Variants in CSGALNACT2 observed in about 807,000 individuals in gnomAD.
CSGALNACT2 encodes chondroitin sulfate N-acetylgalactosaminyltransferase 2.
A neutral mutation model predicts 55.3 loss-of-function variants in CSGALNACT2; 35 were observed. The observed-to-expected ratio is 0.63, with a 90% CI of 0.48 to 0.84. CSGALNACT2 has a LOEUF of 0.84. Ranked by LOEUF, CSGALNACT2 falls within the 40% of genes least tolerant of loss-of-function variation. The probability of loss-of-function intolerance (pLI) is 0.00; values close to 1 mark genes in which losing one functional copy is unlikely to be tolerated. For missense variants in CSGALNACT2, 544 were observed against 657.5 expected, an observed-to-expected ratio of 0.83 and a Z score of 1.89; for synonymous variants, 196 against 224.9, an observed-to-expected ratio of 0.87 and a Z score of 1.15.
chr10:43,139,611 C>A (rs1838573566), intron 1 of CSGALNACT2, among the ~76,000 whole-genome samples: 1 of 152,214 alleles, frequency 6.6e-6, no homozygotes, highest in South Asian at 2.1e-4. Flanking sequence ...CAAATTATAA[C>A]CATAGAACAT....
At chr10:43,181,255 G>C (rs1422418093) in intron 7 of CSGALNACT2, among the ~76,000 whole-genome samples, 1 of 152,218 alleles carries the variant, frequency 6.6e-6, no homozygotes, top group Non-Finnish European at 1.5e-5. Flanking sequence ...TTCTGCTCCA[G>C]TAAGTTGGAA....
At chr10:43,168,407 C>T (rs568043341) in intron 6 of CSGALNACT2, among the ~76,000 whole-genome samples, 8 of 152,022 alleles carry the variant, frequency 5.3e-5, no homozygotes, top group South Asian at 2.1e-4. Flanking sequence ...GCCAATATCA[C>T]GCCACTGCAC....
chr10:43,171,659 C>T (rs984541549), intron 6 of CSGALNACT2, among the ~76,000 whole-genome samples: 3 of 152,162 alleles, frequency 2.0e-5, no homozygotes, highest in African/African-American at 7.2e-5. Context: ...CCAAAGCATG[C>T]TAATATTCTT....
chr10:43,173,901 G>A (rs1839429909), intron 6 of CSGALNACT2, among the ~76,000 whole-genome samples: 2 of 152,134 alleles, frequency 1.3e-5, no homozygotes, highest in Non-Finnish European at 1.5e-5. Flanking sequence ...ACTGAGGCAC[G>A]GAAATCGCTT....
At chr10:43,144,609 A>G (rs897062243) in intron 1 of CSGALNACT2, among the ~76,000 whole-genome samples, 1 of 152,160 alleles carries the variant, frequency 6.6e-6, no homozygotes, top group Non-Finnish European at 1.5e-5. Flanking sequence ...TGGCACTGCT[A>G]CTGAATCTGA....
At chr10:43,178,223 G>A (rs898502768) in intron 7 of CSGALNACT2, among the ~76,000 whole-genome samples, 1 of 152,136 alleles carries the variant, frequency 6.6e-6, no homozygotes, top group African/African-American at 2.4e-5. Flanking sequence ...ATACCATGTG[G>A]AACCAAAATC....
At position 43,155,653 on chromosome 10, in the gene CSGALNACT2, A is replaced by G. The variant is rs893250141; in HGVS notation, c.504A>G (p.Glu168=). 6.2e-7 allele frequency: 1 copy of G among 1,614,250 alleles called. No homozygotes were observed. Among genetic ancestry groups the G allele is most frequent in the African/African-American group, 1.3e-5 (1 of 75,076 alleles). ...AAATGGGTCTCACTCGCCATCCTGAAGAAAAGCCAGTTAGAAAAGACAAAC... is the reference window on the plus strand; with the variant it reads ...AAATGGGTCTCACTCGCCATCCTGAGGAAAAGCCAGTTAGAAAAGACAAAC... ...QLEMGLTRHP[E]EKPVRKDKRD... The change falls in exon 2 of 8, where the codon GAA becomes GAG. Residue 168 remains glutamate, a synonymous_variant. Coordinates refer to ENST00000374466, the MANE Select transcript of CSGALNACT2 (RefSeq NM_018590.5).
chr10:43,151,818 T>C (rs1215478818), intron 1 of CSGALNACT2, among the ~76,000 whole-genome samples: 2 of 152,218 alleles, frequency 1.3e-5, no homozygotes, highest in Admixed American at 1.3e-4. Flanking sequence ...TGGCAACCAC[T>C]TGTTTCTTGT....
chr10:43,175,517 G>A (rs919741420), intron 6 of CSGALNACT2, among the ~76,000 whole-genome samples: 3 of 152,060 alleles, frequency 2.0e-5, no homozygotes, highest in Non-Finnish European at 2.9e-5. Flanking sequence ...GGCCCACTCC[G>A]AATCTACTGG....
chr10:43,157,934 CAGA>C (rs780639889), intron 2 of CSGALNACT2, among the ~76,000 whole-genome samples: 2 of 149,520 alleles, frequency 1.3e-5, no homozygotes. Context: ...GAGGCTGAGG[CAGA>C]AGAATTGCTT....
At chr10:43,163,074 A>G (rs918858099) in intron 4 of CSGALNACT2, 3 of 985,152 alleles carry the variant, frequency 3.0e-6, no homozygotes, top group African/African-American at 3.5e-5. Flanking sequence ...CCTTTTCTCT[A>G]AAATGCTTTC....
At position 43,155,491 on chromosome 10, in the gene CSGALNACT2, GC is replaced by G; in HGVS notation, c.343del (p.Gln115LysfsTer7). ...GCATAGGCTATCAGAGCAACAAAGAGCAAGCACCTAGTGATCTTTTAGAGTT... is the reference window on the plus strand; with the variant it reads ...GCATAGGCTATCAGAGCAACAAAGAGAAGCACCTAGTGATCTTTTAGAGTT... ...NGIGYQSNKE[Q>X]APSDLLEFLH... On this transcript the variant is annotated frameshift_variant, in exon 2 of 8. Transcript: ENST00000374466. LOFTEE classifies it high-confidence loss of function. The G allele has an allele frequency of 6.2e-7, 1 of 1,614,226 alleles. No homozygotes were observed. Among genetic ancestry groups the G allele is most frequent in the Non-Finnish European group, 8.5e-7 (1 of 1,180,052 alleles).
chr10:43,160,376 A>G (rs935082307), intron 3 of CSGALNACT2, 118 bp from the exon 4 acceptor site: 4 of 611,060 alleles, frequency 6.5e-6, no homozygotes, highest in Non-Finnish European at 8.6e-6. Context: ...TGCCACATTT[A>G]TGTTTACTAC....
intron 1 of CSGALNACT2, among the ~76,000 whole-genome samples, chr10:43,149,928 G>A (rs1364261844): frequency 4.6e-5 from 7 of 152,090 alleles, no homozygotes; most frequent in Non-Finnish European, 1.0e-4. Flanking sequence ...TTAGCCAGGC[G>A]TGGTGGTGCA....
intron 1 of CSGALNACT2, among the ~76,000 whole-genome samples, chr10:43,140,458 T>C (rs1588886888): frequency 1.3e-5 from 2 of 152,242 alleles, no homozygotes; most frequent in African/African-American, 4.8e-5. Flanking sequence ...GTTCAAGACG[T>C]AAGTGATTCA....
chr10:43,174,794 C>T (rs1355879406), intron 6 of CSGALNACT2, among the ~76,000 whole-genome samples: 7 of 152,116 alleles, frequency 4.6e-5, no homozygotes, highest in Admixed American at 3.9e-4. Context: ...TACTATTTTC[C>T]CACCCAAACA....
chr10:43,163,218 G>T, intron 4 of CSGALNACT2: 1 of 984,896 alleles, frequency 1.0e-6, no homozygotes, highest in Non-Finnish European at 1.2e-6. Context: ...CCAGACATGA[G>T]CGATGTATTT....
In CSGALNACT2 at chr10:43,155,437, G is replaced by A; in HGVS notation, c.288G>A (p.Leu96=). The change falls in exon 2 of 8, where the codon CTG becomes CTA. Residue 96 remains leucine (L), a synonymous_variant. Coordinates refer to ENST00000374466, the MANE Select transcript of CSGALNACT2 (RefSeq NM_018590.5). ...AAATGAGTGAGAAGATGCGGTCACTGCAAGAAAGAAGGAATGTAGGGGCTA... is the reference window on the plus strand; with the variant it reads ...AAATGAGTGAGAAGATGCGGTCACTACAAGAAAGAAGGAATGTAGGGGCTA... The part of the protein sequence containing the change: ...LQEMSEKMRS[L]QERRNVGANG... The A allele has an allele frequency of 6.2e-7, 1 of 1,614,204 alleles. No homozygotes were observed. Among genetic ancestry groups the A allele is most frequent in the Non-Finnish European group, 8.5e-7 (1 of 1,180,044 alleles).
intron 1 of CSGALNACT2, among the ~76,000 whole-genome samples, chr10:43,145,072 T>C (rs1410470104): frequency 2.6e-5 from 4 of 152,126 alleles, no homozygotes; most frequent in Non-Finnish European, 4.4e-5. Flanking sequence ...GGGTTGTTTC[T>C]GGTTTTGGGC....
Sources: gnomAD v4.1 joint callset for allele counts (sites outside exome capture counted in the v4.1 genomes callset) on GRCh38, gnomAD v4.1.1 for gene constraint, MANE v1.5 for transcripts, NCBI Gene and HGNC (gene_info 2026-07-23, HGNC 2026-07-21) for gene names.